Variants in UMAD1 observed in about 807,000 individuals in gnomAD.
The protein encoded by UMAD1 is UBAP1-MVB12-associated (UMA) domain containing 1, also known as UBAP1-MVB12-associated (UMA)-domain containing protein 1.
In UMAD1, 8 loss-of-function variants were observed where a neutral mutation model predicts 6.1. That is an observed-to-expected ratio of 1.30 (90% CI 0.76 to 2.35). UMAD1 has a LOEUF of 2.35. UMAD1 is among the 30% of genes most tolerant of loss of function. The pLI is 0.00. For missense variants in UMAD1, 130 were observed against 78.4 expected, an observed-to-expected ratio of 1.66 and a Z score of -2.49; for synonymous variants, 56 against 31.4, an observed-to-expected ratio of 1.78 and a Z score of -2.61.
intron 2 of UMAD1, among the ~76,000 whole-genome samples, chr7:7,788,814 C>T (rs539010360): frequency 2.0e-5 from 3 of 152,194 alleles, no homozygotes; most frequent in Non-Finnish European, 4.4e-5. Flanking sequence ...ATTCTAGTGA[C>T]ATCAAGACTT....
In UMAD1 at chr7:7,649,109, G is replaced by C. The variant is rs563888804; in HGVS notation, c.-64+8288G>C. 1.2e-3 allele frequency among the ~76,000 whole-genome samples: 162 copies of C among 133,014 alleles called. 1 individual carries two copies. The highest frequency in any genetic ancestry group is 2.0e-3 in the Non-Finnish European group (128 of 65,344). 87.3% of individuals were successfully genotyped at this position (133,014 alleles called of 152,430 possible). ...GGAAGTGGAGATTGCAGTAAGCCAA[G>C]ATTGTGCCACTGCACTCCAGCCCGT... is the stretch of plus-strand genomic sequence containing the variant. On this transcript the variant is annotated intron_variant, in intron 1 of 3. Coordinates refer to ENST00000682710, the MANE Select transcript of UMAD1 (RefSeq NM_001302348.2).
intron 2 of UMAD1, among the ~76,000 whole-genome samples, chr7:7,744,925 C>A (rs903163714): frequency 6.6e-6 from 1 of 152,082 alleles, no homozygotes; most frequent in Non-Finnish European, 1.5e-5. Flanking sequence ...GGCACTGACC[C>A]CTGTGCACAG....
At chr7:7,743,707 A>G (rs973381415) in intron 2 of UMAD1, among the ~76,000 whole-genome samples, 1 of 150,738 alleles carries the variant, frequency 6.6e-6, no homozygotes, top group Non-Finnish European at 1.5e-5. Context: ...TGTATAATAT[A>G]TATTATACAT....
chr7:7,753,560 T>A (rs773095739), intron 2 of UMAD1, among the ~76,000 whole-genome samples: 2 of 152,240 alleles, frequency 1.3e-5, no homozygotes, highest in Non-Finnish European at 2.9e-5. Flanking sequence ...TCACTTAACA[T>A]AATGACTTCC....
intron 2 of UMAD1, among the ~76,000 whole-genome samples, chr7:7,766,248 A>C (rs1000017584): frequency 1.3e-5 from 2 of 152,206 alleles, no homozygotes; most frequent in African/African-American, 4.8e-5. Context: ...ATTTTACTAC[A>C]AGTTATTGCT....
At chr7:7,651,478 C>A (rs1188065532) in intron 1 of UMAD1, among the ~76,000 whole-genome samples, 1 of 152,152 alleles carries the variant, frequency 6.6e-6, no homozygotes, top group East Asian at 1.9e-4. Context: ...AGGGAACTGT[C>A]CTCTTCTGTC....
chr7:7,701,259 A>G (rs1424603967), intron 2 of UMAD1, among the ~76,000 whole-genome samples: 2 of 152,190 alleles, frequency 1.3e-5, no homozygotes, highest in African/African-American at 4.8e-5. Context: ...GAGCCCTAAA[A>G]CCTCATGTAA....
intron 2 of UMAD1, among the ~76,000 whole-genome samples, chr7:7,699,077 A>G (rs772710570): frequency 6.6e-6 from 1 of 150,626 alleles, no homozygotes; most frequent in Non-Finnish European, 1.5e-5. Context: ...CAGGTTTGCT[A>G]TGTTGCCCAG....
intron 3 of UMAD1, among the ~76,000 whole-genome samples, chr7:7,853,044 G>C (rs373289013): frequency 2.8e-4 from 42 of 152,314 alleles, no homozygotes; most frequent in African/African-American, 7.5e-4. Flanking sequence ...GTCAGAAAGA[G>C]AGAGTTTTTT....
At chr7:7,834,230 C>G (rs566291709) in intron 3 of UMAD1, among the ~76,000 whole-genome samples, 2 of 151,786 alleles carry the variant, frequency 1.3e-5, no homozygotes, top group East Asian at 3.9e-4. Flanking sequence ...ACCATGTTGG[C>G]CAGGCTGGTC....
chr7:7,662,155 T>TC (rs68011767), intron 1 of UMAD1, among the ~76,000 whole-genome samples: 2 of 151,996 alleles, frequency 1.3e-5, no homozygotes, highest in African/African-American at 2.4e-5. Flanking sequence ...CAGATGCCCT[T>TC]CCCCCCACCA....
At chr7:7,654,091 C>T (rs1785287170) in intron 1 of UMAD1, among the ~76,000 whole-genome samples, 1 of 152,152 alleles carries the variant, frequency 6.6e-6, no homozygotes, top group Admixed American at 6.5e-5. Context: ...CTTATCACTG[C>T]TAGGCTACCC....
rs144302030 is a variant in UMAD1 at position 7,673,226 on chromosome 7, C to T, written c.-63-83C>T. The T allele has an allele frequency of 5.2e-4, 439 of 849,118 alleles. 5 individuals are homozygous for T. In the East Asian group the frequency reaches 0.011, roughly 21 times the overall value. The allele number at this position is 849,118 out of a possible 1,614,324, so 52.6% of individuals were successfully genotyped here. A position where few individuals can be genotyped will look rare whatever the true frequency, so the allele number is the denominator to read the frequency against. ...TTCCTAAGAGTAACTATTGTTATAT[C>T]GTTATGCTGAACTTTTTGCTAAAAA... On this transcript the variant is annotated intron_variant, in intron 1 of 3. Coordinates refer to ENST00000682710, the MANE Select transcript of UMAD1 (RefSeq NM_001302348.2).
intron 2 of UMAD1, among the ~76,000 whole-genome samples, chr7:7,789,281 A>G (rs748570135): frequency 2.0e-5 from 3 of 151,886 alleles, no homozygotes; most frequent in Non-Finnish European, 4.4e-5. Context: ...GAGAAAAAAA[A>G]CACATTTCCC....
At chr7:7,784,512 T>A (rs1369573601) in intron 2 of UMAD1, among the ~76,000 whole-genome samples, 1 of 122,002 alleles carries the variant, frequency 8.2e-6, no homozygotes, top group Admixed American at 7.5e-5. Flanking sequence ...ATTTTTTGTA[T>A]TTTTTTTTTT....
chr7:7,858,752 CG>C (rs1222784278), intron 3 of UMAD1, among the ~76,000 whole-genome samples: 2 of 152,128 alleles, frequency 1.3e-5, no homozygotes, highest in African/African-American at 4.8e-5. Context: ...CTATAACATC[CG>C]GTTTTCCATT....
chr7:7,823,259 A>G (rs993091299), intron 3 of UMAD1, among the ~76,000 whole-genome samples: 1 of 152,178 alleles, frequency 6.6e-6, no homozygotes, highest in Non-Finnish European at 1.5e-5. Flanking sequence ...TCATTAATTC[A>G]GCCAACTTTT....
intron 3 of UMAD1, among the ~76,000 whole-genome samples, chr7:7,868,963 G>C (rs1267883841): frequency 2.6e-5 from 4 of 152,174 alleles, no homozygotes; most frequent in African/African-American, 9.7e-5. Context: ...GCTGTTCTGG[G>C]TACTGGGAAC....
At chr7:7,685,661 G>T (rs1449058724) in intron 2 of UMAD1, among the ~76,000 whole-genome samples, 2 of 152,034 alleles carry the variant, frequency 1.3e-5, no homozygotes, top group African/African-American at 2.4e-5. Context: ...TGGCCCACTT[G>T]GTTTCTCAAG....
Sources: allele counts gnomAD v4.1 joint callset (sites outside exome capture counted in the v4.1 genomes callset), GRCh38; gene constraint gnomAD v4.1.1; transcripts MANE v1.5; gene names NCBI Gene and HGNC (gene_info 2026-07-23, HGNC 2026-07-21).